SOX6: variants seen among roughly 807,000 people sequenced by gnomAD.
SOX6 encodes SRY-box transcription factor 6.
A neutral mutation model predicts 97.8 loss-of-function variants in SOX6; 11 were observed. That is an observed-to-expected ratio of 0.11 (90% CI 0.07 to 0.19). The LOEUF (loss-of-function observed/expected upper bound fraction) is 0.19, where lower values mean the gene tolerates loss of function less well. SOX6 is among the 10% of genes least tolerant of loss of function. The pLI, the probability that SOX6 is intolerant of heterozygous loss-of-function variation, is 1.00. For missense variants in SOX6, 810 were observed against 1,039.5 expected (o/e 0.78, Z 3.04); for synonymous variants, 360 against 371.4 (o/e 0.97, Z 0.35).
In SOX6 at chr11:16,589,923, T is replaced by A. The variant is rs192772390; in HGVS notation, n.609+22158A>T. Among the ~76,000 whole-genome samples the A allele has an allele frequency of 1.2e-4, 18 of 152,294 alleles. No homozygotes were observed. The East Asian group carries it at 2.3e-3, about 20-fold the overall frequency. ...AAATGTTGTGAAACCTCTTTGAAAT[T>A]CTTTTATAAAAGATAAAAAAGCTAC... is the stretch of plus-strand genomic sequence containing the variant. On this transcript the variant is annotated intron_variant and non_coding_transcript_variant, in intron 4 of 5. Transcript: ENST00000524520.
intron 1 of SOX6, among the ~76,000 whole-genome samples, chr11:16,368,217 T>A (rs1265777111): frequency 6.6e-6 from 1 of 152,148 alleles, no homozygotes; most frequent in Non-Finnish European, 1.5e-5. Flanking sequence ...CAATAAACTA[T>A]AGGTCTCTAG....
chr11:16,681,913 A>G lies in SOX6; in HGVS notation n.429+32917T>C, dbSNP rs144347755. ...TACACCCTGCTAAGACTAAACCAGG[A>G]AGAAGTTGAATCTCCGAATAGACCA... On this transcript the variant is annotated intron_variant and non_coding_transcript_variant, in intron 3 of 5. Transcript: ENST00000524520. Among the ~76,000 whole-genome samples, 548 of 152,356 alleles carry G rather than the reference A, an allele frequency of 3.6e-3. 4 individuals are homozygous for G. Among genetic ancestry groups the G allele is most frequent in the African/African-American group, 0.012 (518 of 41,582 alleles).
chr11:16,653,425 G>A (rs943594044), intron 3 of SOX6, among the ~76,000 whole-genome samples: 1 of 152,084 alleles, frequency 6.6e-6, no homozygotes, highest in Non-Finnish European at 1.5e-5. Context: ...TATACACCAT[G>A]GAATAACGAC....
At chr11:16,539,636 G>A (rs1200090763) in intron 4 of SOX6, among the ~76,000 whole-genome samples, 1 of 151,990 alleles carries the variant, frequency 6.6e-6, no homozygotes, top group Non-Finnish European at 1.5e-5. Context: ...TGATAAAGGG[G>A]ATATCACCAC....
In SOX6 at chr11:16,513,577, G is replaced by A. The variant is rs1315129575; in HGVS notation, n.610-37189C>T. Among the ~76,000 whole-genome samples the A allele has an allele frequency of 2.0e-5, 3 of 152,218 alleles. No homozygotes were observed. The East Asian group carries it at 5.8e-4, about 29-fold the overall frequency. ...GAACCCGGGAGGCGGAGGTTGCAGT[G>A]AGCTGAGATGGTGCCACTGCACTCC... On this transcript the variant is annotated intron_variant and non_coding_transcript_variant, in intron 4 of 5. Coordinates refer to the SOX6 transcript ENST00000524520.
At chr11:16,011,226 ACT>A (rs1854715490) in intron 13 of SOX6, among the ~76,000 whole-genome samples, 2 of 152,044 alleles carry the variant, frequency 1.3e-5, no homozygotes, top group Non-Finnish European at 2.9e-5. Flanking sequence ...ATGGTGACAG[ACT>A]CAACTAATCA....
intron 4 of SOX6, among the ~76,000 whole-genome samples, chr11:16,595,515 TC>T (rs1848202537): frequency 6.7e-6 from 1 of 149,788 alleles, no homozygotes; most frequent in African/African-American, 2.5e-5. Flanking sequence ...GCATGATGGC[TC>T]CACCTATAAT....
At chr11:16,482,734 C>A (rs2133125698) in intron 4 of SOX6, among the ~76,000 whole-genome samples, 1 of 152,152 alleles carries the variant, frequency 6.6e-6, no homozygotes, top group Non-Finnish European at 1.5e-5. Flanking sequence ...CTCAAGATAA[C>A]CATCATACTT....
At position 16,318,458 on chromosome 11, in the gene SOX6, T is replaced by A; in HGVS notation, c.433A>T (p.Thr145Ser). Residue 145 changes from threonine to serine, a missense_variant, in exon 3 of 16, where the codon ACT (threonine) becomes TCT (serine). Thr to Ser is a moderately conservative substitution (Grantham distance 58). Transcript: ENST00000683767. ...KQKKLEEMTR[T>S]EQEDSSCMEK... is the part of the protein sequence containing the mutation. The stretch of plus-strand genomic sequence containing the variant: ...AGTCCACACATACCCTCTTGTTCAG[T>A]CCGAGTCATTTCCTCAAGCTTCTTC... 6.2e-7 allele frequency: 1 copy of A among 1,613,120 alleles called. No individual in the cohort carries two copies. The highest frequency in any genetic ancestry group is 8.5e-7 in the Non-Finnish European group (1 of 1,179,546).
chr11:16,075,689 A>G (rs1375982508), intron 9 of SOX6, among the ~76,000 whole-genome samples: 1 of 152,146 alleles, frequency 6.6e-6, no homozygotes, highest in Non-Finnish European at 1.5e-5. Flanking sequence ...TAGCGTTAGG[A>G]GAAATACCTA....
At chr11:16,303,854 T>G (rs10160356) in intron 3 of SOX6, among the ~76,000 whole-genome samples, 12 of 152,146 alleles carry the variant, frequency 7.9e-5, no homozygotes. Context: ...AGTGCATACC[T>G]AAGCATATCA....
upstream of SOX6, among the ~76,000 whole-genome samples, chr11:16,360,348 T>G (rs932118674): frequency 6.6e-6 from 1 of 152,190 alleles, no homozygotes; most frequent in Non-Finnish European, 1.5e-5. Flanking sequence ...ATTTCCAGAC[T>G]CTACCTTCAA....
intron 3 of SOX6, among the ~76,000 whole-genome samples, chr11:16,686,327 A>G (rs1847969192): frequency 6.6e-6 from 1 of 152,182 alleles, no homozygotes; most frequent in African/African-American, 2.4e-5. Context: ...TCCCTTTTCA[A>G]TATAAATTCC....
At chr11:15,995,369 C>T (rs1283443980) in intron 13 of SOX6, among the ~76,000 whole-genome samples, 1 of 152,148 alleles carries the variant, frequency 6.6e-6, no homozygotes, top group Non-Finnish European at 1.5e-5. Flanking sequence ...CCTAACAGTG[C>T]AAAAACTAAG....
In SOX6 at chr11:16,390,707, G is replaced by A. The variant is rs140171856; in HGVS notation, c.-4-49455C>T. ...ACTGGAAACAACAGATGCTGGAGAG[G>A]TTGTGGAAAAATAGGAACGCTTTTA... On this transcript the variant is annotated intron_variant, in intron 1 of 15. Transcript: ENST00000396356. Among the ~76,000 whole-genome samples, 1,200 of 152,214 alleles carry A rather than the reference G, an allele frequency of 7.9e-3. 10 individuals are homozygous for A. Among genetic ancestry groups the A allele is most frequent in the Admixed American group, 0.015 (229 of 15,286 alleles).
intron 4 of SOX6, among the ~76,000 whole-genome samples, chr11:16,600,866 C>T (rs1449088057): frequency 6.6e-6 from 1 of 152,168 alleles, no homozygotes; most frequent in Non-Finnish European, 1.5e-5. Flanking sequence ...TGAAAAACCT[C>T]AGGCCAAAAG....
chr11:16,361,269 C>T (rs1309996949), upstream of SOX6, among the ~76,000 whole-genome samples: 1 of 152,096 alleles, frequency 6.6e-6, no homozygotes, highest in Non-Finnish European at 1.5e-5. Context: ...CTTTTGACTA[C>T]TTTACAATAA....
chr11:16,237,489 A>G (rs764278704), intron 3 of SOX6, among the ~76,000 whole-genome samples: 5 of 152,080 alleles, frequency 3.3e-5, no homozygotes, highest in Non-Finnish European at 5.9e-5. Context: ...ACATTCCTCA[A>G]CTACATTAAT....
intron 6 of SOX6, among the ~76,000 whole-genome samples, chr11:16,137,039 T>C (rs2134032065): frequency 6.6e-6 from 1 of 152,342 alleles, no homozygotes; most frequent in African/African-American, 2.4e-5. Flanking sequence ...AAATAAATAA[T>C]ATGTGCCTTG....
Sources: gnomAD v4.1 joint callset for allele counts (sites outside exome capture counted in the v4.1 genomes callset) on GRCh38, gnomAD v4.1.1 for gene constraint, MANE v1.5 for transcripts, NCBI Gene and HGNC (gene_info 2026-07-23, HGNC 2026-07-21) for gene names.